MLLT3: variants seen among roughly 807,000 people sequenced by gnomAD.
The protein encoded by MLLT3 is protein AF-9.
Under a neutral mutation model 53.2 loss-of-function variants are expected in MLLT3, and 4 were observed. The ratio of observed to expected loss-of-function variants is 0.08; its 90% CI spans 0.04 to 0.17. The LOEUF (loss-of-function observed/expected upper bound fraction) is 0.17. Among genes scored for constraint, MLLT3 ranks in the 10% least tolerant of loss-of-function variants. MLLT3 has a pLI of 1.00. For synonymous variants in MLLT3, 283 were observed against 230.6 expected (o/e 1.23, Z -2.06); for missense variants, 569 against 684.0 (o/e 0.83, Z 1.87).
chr9:20,478,507 G>A (rs74339334), intron 2 of MLLT3, among the ~76,000 whole-genome samples: 16,475 of 152,030 alleles, frequency 0.11, 1,877 homozygotes, highest in African/African-American at 0.29. Context: ...GAGACACTGT[G>A]CCCCGTCAAG....
chr9:20,468,058 T>A (rs1824279200), intron 2 of MLLT3, among the ~76,000 whole-genome samples: 1 of 152,186 alleles, frequency 6.6e-6, no homozygotes, highest in Non-Finnish European at 1.5e-5. Context: ...TTATGTTCAG[T>A]TCCCTCATTT....
chr9:20,496,607 G>C (rs1366476671), intron 2 of MLLT3, among the ~76,000 whole-genome samples: 1 of 152,182 alleles, frequency 6.6e-6, no homozygotes, highest in African/African-American at 2.4e-5. Flanking sequence ...TTAGCAGGAT[G>C]TTGTGGTTTG....
chr9:20,350,532 T>A (rs1248273271), intron 10 of MLLT3, among the ~76,000 whole-genome samples: 1 of 143,770 alleles, frequency 7.0e-6, no homozygotes, highest in Non-Finnish European at 1.5e-5. Context: ...GAGGCGGAGC[T>A]TGCAGTGAGC....
chr9:20,449,961 C>T (rs1258856074), intron 3 of MLLT3, among the ~76,000 whole-genome samples: 4 of 152,174 alleles, frequency 2.6e-5, no homozygotes, highest in African/African-American at 7.2e-5. Context: ...ACAGTGACTC[C>T]CCCAAGTGTA....
At chr9:20,614,912 GGACC>G (rs771686330) in intron 2 of MLLT3, among the ~76,000 whole-genome samples, 69,007 of 151,716 alleles carry the variant, frequency 0.45, 16,828 homozygotes, top group Middle Eastern at 0.56. Flanking sequence ...AAGGAACAAA[GGACC>G]TTTAAGGCAA....
chr9:20,445,113 G>A (rs932759390), intron 4 of MLLT3, among the ~76,000 whole-genome samples: 10 of 151,852 alleles, frequency 6.6e-5, no homozygotes, highest in African/African-American at 2.2e-4. Context: ...AAAGTTCGTC[G>A]GGCTAGATCT....
At chr9:20,602,178 G>C (rs1021709350) in intron 2 of MLLT3, among the ~76,000 whole-genome samples, 1 of 151,978 alleles carries the variant, frequency 6.6e-6, no homozygotes, top group East Asian at 1.9e-4. Flanking sequence ...ACTTCTTCCC[G>C]CTAACTCGTA....
intron 5 of MLLT3, among the ~76,000 whole-genome samples, chr9:20,408,029 G>A (rs1343826766): frequency 5.9e-5 from 9 of 152,208 alleles, no homozygotes. Context: ...AATAGGTGAT[G>A]TAGCTCTCTT....
intron 4 of MLLT3, among the ~76,000 whole-genome samples, chr9:20,422,032 T>C (rs1018450671): frequency 3.3e-5 from 5 of 152,042 alleles, no homozygotes; most frequent in African/African-American, 1.2e-4. Context: ...TCAAAACCTA[T>C]TTAAACACCG....
At chr9:20,346,607 T>C (rs1820876568) in intron 10 of MLLT3, 33 bp from the exon 11 acceptor site, 1 of 1,602,316 alleles carries the variant, frequency 6.2e-7, no homozygotes, top group Non-Finnish European at 8.5e-7. Flanking sequence ...GTTTGGGCAA[T>C]ACGCAGCAAA....
chr9:20,478,813 G>A (rs1337542678), intron 2 of MLLT3, among the ~76,000 whole-genome samples: 1 of 152,200 alleles, frequency 6.6e-6, no homozygotes, highest in Admixed American at 6.5e-5. Flanking sequence ...CCATGTATAA[G>A]AAATCACCTG....
rs1353556728 is a variant in MLLT3 at position 20,588,358 on chromosome 9, G to C, written c.193+32296C>G. On this transcript the variant is annotated intron_variant, in intron 2 of 10. Coordinates refer to ENST00000380338, the MANE Select transcript of MLLT3 (RefSeq NM_004529.4). ...TTGGTTCCATATGAACTTTAAAGTAGTTTTTTCCAATTCTGTGAAGAAAGG... is the reference window on the plus strand; with the variant it reads ...TTGGTTCCATATGAACTTTAAAGTACTTTTTTCCAATTCTGTGAAGAAAGG... Among the ~76,000 whole-genome samples, 1,004 of 151,398 alleles carry C rather than the reference G, an allele frequency of 6.6e-3. 16 individuals carry two copies. Among genetic ancestry groups the C allele is most frequent in the African/African-American group, 0.024 (976 of 41,212 alleles).
At chr9:20,515,961 C>G (rs941090246) in intron 2 of MLLT3, among the ~76,000 whole-genome samples, 1 of 152,194 alleles carries the variant, frequency 6.6e-6, no homozygotes, top group Non-Finnish European at 1.5e-5. Flanking sequence ...GAAAAAGACT[C>G]ACAAGCAATG....
chr9:20,431,366 C>A (rs751447822), intron 4 of MLLT3, among the ~76,000 whole-genome samples: 1 of 152,064 alleles, frequency 6.6e-6, no homozygotes, highest in Non-Finnish European at 1.5e-5. Flanking sequence ...CCAGGTAATT[C>A]TCATGTACCC....
intron 4 of MLLT3, among the ~76,000 whole-genome samples, chr9:20,437,537 C>T (rs1012638846): frequency 1.2e-4 from 18 of 152,038 alleles, no homozygotes; most frequent in Non-Finnish European, 1.3e-4. Flanking sequence ...GTGTAGTGGA[C>T]GAAAGAAGCC....
chr9:20,611,759 G>T (rs958807592), intron 2 of MLLT3, among the ~76,000 whole-genome samples: 1 of 151,994 alleles, frequency 6.6e-6, no homozygotes, highest in Non-Finnish European at 1.5e-5. Flanking sequence ...AAATTCTATC[G>T]TAATAGCCTT....
intron 4 of MLLT3, among the ~76,000 whole-genome samples, chr9:20,423,270 G>A (rs537666597): frequency 2.0e-5 from 3 of 152,074 alleles, no homozygotes; most frequent in African/African-American, 7.2e-5. Context: ...TGTCAATCTT[G>A]CCAATATAAC....
At chr9:20,475,195 T>C (rs1000758417) in intron 2 of MLLT3, among the ~76,000 whole-genome samples, 2 of 152,120 alleles carry the variant, frequency 1.3e-5, no homozygotes, top group Non-Finnish European at 2.9e-5. Context: ...ATGGCAGCTC[T>C]AGTAGGAAAC....
intron 4 of MLLT3, among the ~76,000 whole-genome samples, chr9:20,436,197 C>T (rs1439255021): frequency 6.6e-6 from 1 of 152,084 alleles, no homozygotes; most frequent in Non-Finnish European, 1.5e-5. Flanking sequence ...ATTTTTAGAC[C>T]ACATATAAAG....
Sources: allele counts gnomAD v4.1 joint callset (sites outside exome capture counted in the v4.1 genomes callset), GRCh38; gene constraint gnomAD v4.1.1; transcripts MANE v1.5; gene names NCBI Gene and HGNC (gene_info 2026-07-23, HGNC 2026-07-21).